SDF4: variants seen among roughly 807,000 people sequenced by gnomAD.
SDF4 encodes stromal cell derived factor 4, also known as 45 kDa calcium-binding protein.
A neutral mutation model predicts 34.2 loss-of-function variants in SDF4; 22 were observed. That is an observed-to-expected ratio of 0.64 (90% CI 0.46 to 0.92). SDF4 has a LOEUF of 0.92. Among genes scored for constraint, SDF4 ranks in the 40% least tolerant of loss-of-function variants. The pLI is 0.00. For synonymous variants in SDF4, 236 were observed against 203.1 expected (o/e 1.16, Z -1.38); for missense variants, 447 against 499.9 (o/e 0.89, Z 1.01).
Position 1,227,696 on chromosome 1 carries a change from C to T in SDF4, c.305+772G>A, listed in dbSNP as rs529955018. 2.6e-5 allele frequency among the ~76,000 whole-genome samples: 4 copies of T among 152,316 alleles called. 1 individual carries two copies. The South Asian group carries it at 6.2e-4, about 24-fold the overall frequency. Reference sequence around the variant, plus strand: ...TCCAGGGCCACACCGCAGGGCACCCCGGCCGTGCCGTAAGGAGTAAGGCGC... The same window carrying T: ...TCCAGGGCCACACCGCAGGGCACCCTGGCCGTGCCGTAAGGAGTAAGGCGC... On this transcript the variant is annotated intron_variant, in intron 2 of 6. Coordinates refer to ENST00000360001, the MANE Select transcript of SDF4 (RefSeq NM_016176.6).
chr1:1,219,756 G>A (rs1367788766), intron 4 of SDF4: 1 of 985,818 alleles, frequency 1.0e-6, no homozygotes, highest in Admixed American at 6.1e-5. Context: ...CCCATCTTGG[G>A]GCTCACTGCA....
chr1:1,223,189 G>T, intron 4 of SDF4, 55 bp downstream of exon 4: 1 of 1,189,620 alleles, frequency 8.4e-7, no homozygotes, highest in Non-Finnish European at 1.3e-6. Context: ...CACAACACAC[G>T]CGCGCACACA....
In SDF4 at chr1:1,218,353, G is replaced by T; in HGVS notation, c.891+105C>A. 2 of 1,272,458 alleles carry T rather than the reference G, an allele frequency of 1.6e-6. No individual in the cohort carries two copies. The highest frequency in any genetic ancestry group is 2.2e-6 in the Non-Finnish European group (2 of 925,964). 78.8% of individuals were successfully genotyped at this position (1,272,458 alleles called of 1,614,324 possible). On this transcript the variant is annotated intron_variant, in intron 6 of 6. Transcript: ENST00000360001. This position sits in a 1 kb window ranked among gnomAD's most constrained non-coding sequence, Gnocchi z 7.9. ...GTGACCAGCCCAGATGGAGTCTCAG[G>T]CCAGACACCAGCACAGCTTCCTGCC... is the stretch of plus-strand genomic sequence containing the variant.
At chr1:1,220,025 G>C in intron 4 of SDF4, 1 of 985,800 alleles carries the variant, frequency 1.0e-6, no homozygotes, top group Non-Finnish European at 1.2e-6. Flanking sequence ...CGCAGCTCCT[G>C]GGATGGATGG....
chr1:1,218,382 G>A lies in SDF4; in HGVS notation c.891+76C>T. 2.7e-6 allele frequency: 4 copies of A among 1,496,174 alleles called. No individual in the cohort carries two copies. In the South Asian group the frequency reaches 5.0e-5, roughly 19 times the overall value. 92.7% of individuals were successfully genotyped at this position (1,496,174 alleles called of 1,614,324 possible). On this transcript the variant is annotated intron_variant, in intron 6 of 6. Transcript: ENST00000360001. This position sits in a 1 kb window ranked among gnomAD's most constrained non-coding sequence, Gnocchi z 7.9. ...GACACCAGCACAGCTTCCTGCCTCA[G>A]GCCCAGATCCACCAGCCCCTCCCGC...
chr1:1,222,019 C>T (rs1240519278), intron 4 of SDF4, among the ~76,000 whole-genome samples: 1 of 152,180 alleles, frequency 6.6e-6, no homozygotes, highest in Non-Finnish European at 1.5e-5. Flanking sequence ...ATAAGTTAAG[C>T]AGGCACAAAA....
chr1:1,219,942 G>A lies in SDF4; in HGVS notation c.557-1015C>T, dbSNP rs1333892663. 2.6e-5 allele frequency: 26 copies of A among 985,476 alleles called. No individual in the cohort carries two copies. The Admixed American group carries it at 6.1e-4, about 23-fold the overall frequency. The allele number at this position is 985,476 out of a possible 1,614,324, so 61.0% of individuals were successfully genotyped here. ...CTTTCTGAACAACCTCCATCTACAC[G>A]ACCGGTTCACTTAAAGGAAGACAGG... is the stretch of plus-strand genomic sequence containing the variant. On this transcript the variant is annotated intron_variant, in intron 4 of 6. Transcript: ENST00000360001.
At chr1:1,219,129 C>T (rs911372616) in intron 4 of SDF4, 12 of 1,487,908 alleles carry the variant, frequency 8.1e-6, no homozygotes, top group Admixed American at 2.1e-5. Flanking sequence ...TAACCCAGAG[C>T]CTCCCACAGG....
At position 1,217,884 on chromosome 1, in the gene SDF4, G is replaced by A. The variant is rs555076942; in HGVS notation, c.892-196C>T. On this transcript the variant is annotated intron_variant, in intron 6 of 6. Transcript: ENST00000360001. This position sits in a 1 kb window ranked among gnomAD's most constrained non-coding sequence, Gnocchi z 8.5. ...CCGGGGGCCCCGGAAGGCCTGCCCG[G>A]GGCCAGCAGGGGTAACGGGGCACAG... is the stretch of plus-strand genomic sequence containing the variant. 448 of 1,416,642 alleles carry A rather than the reference G, an allele frequency of 3.2e-4. 2 individuals are homozygous for A. In the African/African-American group the frequency reaches 5.6e-3, roughly 18 times the overall value. The allele number at this position is 1,416,642 out of a possible 1,614,324, so 87.8% of individuals were successfully genotyped here.
At chr1:1,219,812 A>G in intron 4 of SDF4, 1 of 985,830 alleles carries the variant, frequency 1.0e-6, no homozygotes, top group Non-Finnish European at 1.2e-6. Context: ...AGCCCCCTGC[A>G]CGTGAGGCCC....
chr1:1,228,402 A>C, intron 2 of SDF4, 66 bp downstream of exon 2: 1 of 1,487,692 alleles, frequency 6.7e-7, no homozygotes. Context: ...GCGCAAAGCC[A>C]GGATAGGAAC....
chr1:1,224,326 C>T (rs1222646750), intron 2 of SDF4, among the ~76,000 whole-genome samples: 1 of 152,224 alleles, frequency 6.6e-6, no homozygotes, highest in Non-Finnish European at 1.5e-5. Context: ...GTCACCCAGG[C>T]TGGAGTGTGG....
rs1649641525 is a variant in SDF4, at chr1:1,218,079, G to A, written c.891+379C>T. On this transcript the variant is annotated intron_variant, in intron 6 of 6. Coordinates refer to ENST00000360001, the MANE Select transcript of SDF4 (RefSeq NM_016176.6). The surrounding 1 kb of genome is among the most constrained non-coding windows in gnomAD (Gnocchi z 7.9). ...AGTGAAAACGCTTCAGAGGAAGGTGGTAAATTCCAGCCATGTGGCACAGGC... is the reference window on the plus strand; with the variant it reads ...AGTGAAAACGCTTCAGAGGAAGGTGATAAATTCCAGCCATGTGGCACAGGC... Among the ~76,000 whole-genome samples the A allele has an allele frequency of 6.6e-6, 1 of 152,242 alleles. No homozygotes were observed. The highest frequency in any genetic ancestry group is 1.5e-5 in the Non-Finnish European group (1 of 68,042).
chr1:1,224,642 T>C (rs1343242507), intron 2 of SDF4, among the ~76,000 whole-genome samples: 4 of 152,168 alleles, frequency 2.6e-5, no homozygotes, highest in African/African-American at 7.2e-5. Flanking sequence ...CAGGACGCAG[T>C]GGCCACACCT....
rs904011303 is a variant in SDF4, at chr1:1,217,132, G to GT, written c.*379dup. The GT allele has an allele frequency of 2.0e-5, 3 of 153,156 alleles. No individual in the cohort carries two copies. Among genetic ancestry groups the GT allele is most frequent in the African/African-American group, 7.2e-5 (3 of 41,488 alleles). The allele number at this position is 153,156 out of a possible 1,614,324, so 9.5% of individuals were successfully genotyped here. On this transcript the variant is annotated 3_prime_UTR_variant, in exon 7 of 7. Coordinates refer to ENST00000360001, the MANE Select transcript of SDF4 (RefSeq NM_016176.6). The surrounding 1 kb of genome is among the most constrained non-coding windows in gnomAD (Gnocchi z 8.5). The stretch of plus-strand genomic sequence containing the variant: ...CAGTTTTCAAGGAAATGGAGGAGCT[G>GT]TTTTTTCCCACGGAGCGGCGGCCCT...
At chr1:1,224,422 G>A (rs1159069744) in intron 2 of SDF4, among the ~76,000 whole-genome samples, 1 of 152,178 alleles carries the variant, frequency 6.6e-6, no homozygotes, top group Non-Finnish European at 1.5e-5. Flanking sequence ...TGGGATTACA[G>A]GGGTGCACCA....
intron 1 of SDF4, among the ~76,000 whole-genome samples, chr1:1,230,695 G>A (rs55893507): frequency 0.11 from 17,424 of 152,252 alleles, 1,140 homozygotes; most frequent in East Asian, 0.17. Flanking sequence ...CTGACCTGAA[G>A]TGATCCTCCT....
intron 4 of SDF4, chr1:1,220,132 G>A (rs1465927420): frequency 1.1e-5 from 11 of 986,974 alleles, no homozygotes; most frequent in Non-Finnish European, 1.1e-5. Context: ...CACAGCCGCC[G>A]CCGAGCCCCA....
At chr1:1,230,630 T>C (rs1238484904) in intron 1 of SDF4, among the ~76,000 whole-genome samples, 2 of 152,138 alleles carry the variant, frequency 1.3e-5, no homozygotes, top group South Asian at 2.1e-4. Context: ...TCCACTAATC[T>C]GTATTTTTAG....
Sources: allele counts gnomAD v4.1 joint callset (sites outside exome capture counted in the v4.1 genomes callset), GRCh38; gene constraint gnomAD v4.1.1; non-coding constraint Gnocchi (gnomAD v3.1); transcripts MANE v1.5; gene names NCBI Gene and HGNC (gene_info 2026-07-23, HGNC 2026-07-21).